Variants in TMPRSS12 observed in about 807,000 individuals in gnomAD.
The protein encoded by TMPRSS12 is transmembrane serine protease 12, also known as transmembrane protease serine 12.
In TMPRSS12, 25 loss-of-function variants were observed where a neutral mutation model predicts 26.0. The observed-to-expected ratio is 0.96, with a 90% CI of 0.70 to 1.34. TMPRSS12 has a LOEUF of 1.34. TMPRSS12 is among the 40% of genes most tolerant of loss of function. The probability of loss-of-function intolerance (pLI) is 0.00; values close to 1 mark genes in which losing one functional copy is unlikely to be tolerated. For missense variants in TMPRSS12, 441 were observed against 440.1 expected (o/e 1.00, Z -0.02); for synonymous variants, 150 against 161.7 (o/e 0.93, Z 0.55).
chr12:50,860,975 C>T (rs889186473), intron 3 of TMPRSS12, among the ~76,000 whole-genome samples: 2 of 152,136 alleles, frequency 1.3e-5, no homozygotes, highest in African/African-American at 4.8e-5. Flanking sequence ...AACTCCTGGC[C>T]TCAAGCAATC....
intron 3 of TMPRSS12, among the ~76,000 whole-genome samples, chr12:50,875,957 G>C (rs1452519610): frequency 6.6e-6 from 1 of 152,060 alleles, no homozygotes; most frequent in African/African-American, 2.4e-5. Context: ...ATCAACAGAG[G>C]AAACAGACAA....
At chr12:50,861,431 A>C (rs1937933521) in intron 3 of TMPRSS12, among the ~76,000 whole-genome samples, 1 of 152,102 alleles carries the variant, frequency 6.6e-6, no homozygotes, top group Non-Finnish European at 1.5e-5. Context: ...AAAGAAGATA[A>C]GGAAAGCAAC....
rs143751814 is a variant in TMPRSS12 at position 50,857,495 on chromosome 12, A to G, written c.384-1290A>G. On this transcript the variant is annotated intron_variant, in intron 2 of 4. Coordinates refer to ENST00000398458, the MANE Select transcript of TMPRSS12 (RefSeq NM_182559.3). ...CACACACACATATGCATGCACTCACATAAACATTGCCAATTTGAAGGATGA... is the reference window on the plus strand; with the variant it reads ...CACACACACATATGCATGCACTCACGTAAACATTGCCAATTTGAAGGATGA... Among the ~76,000 whole-genome samples, 463 of 152,330 alleles carry G rather than the reference A, an allele frequency of 3.0e-3. 4 individuals are homozygous for G. Among genetic ancestry groups the G allele is most frequent in the African/African-American group, 0.011 (439 of 41,578 alleles).
chr12:50,852,221 A>C (rs570757227), intron 2 of TMPRSS12, among the ~76,000 whole-genome samples: 1 of 152,238 alleles, frequency 6.6e-6, no homozygotes, highest in South Asian at 2.1e-4. Flanking sequence ...AAGGTTAAAC[A>C]CCCCATTTAT....
intron 4 of TMPRSS12, 58 bp from the exon 5 acceptor site, chr12:50,887,204 T>C (rs1938235228): frequency 6.5e-7 from 1 of 1,530,020 alleles, no homozygotes; most frequent in Non-Finnish European, 8.9e-7. Flanking sequence ...ATTCCAGTGT[T>C]ACTGTTGCTT....
At chr12:50,876,735 C>T (rs563360158) in intron 3 of TMPRSS12, among the ~76,000 whole-genome samples, 43 of 136,256 alleles carry the variant, frequency 3.2e-4, no homozygotes, top group African/African-American at 5.2e-4. Flanking sequence ...ACCTGGGAGG[C>T]GGAGCTTCCA....
intron 3 of TMPRSS12, among the ~76,000 whole-genome samples, chr12:50,861,445 G>A (rs1259602842): frequency 1.3e-5 from 2 of 152,064 alleles, no homozygotes; most frequent in Non-Finnish European, 2.9e-5. Flanking sequence ...AAGCAACATG[G>A]TGTAGGGAAA....
intron 2 of TMPRSS12, chr12:50,848,432 T>C (rs1937794482): frequency 6.6e-6 from 1 of 152,210 alleles, no homozygotes; most frequent in African/African-American, 2.4e-5. Flanking sequence ...ATTCATCACA[T>C]GAGGAATGAT....
At chr12:50,872,048 CTGAAAGTAGAACTGCCATT>C (rs1308251578) in intron 3 of TMPRSS12, among the ~76,000 whole-genome samples, 1 of 152,122 alleles carries the variant, frequency 6.6e-6, no homozygotes, top group African/African-American at 2.4e-5. Context: ...CCTTAAAGAA[CTGAAAGTAGAACTGCCATT>C]TGATCCAGCA....
At chr12:50,853,787 G>A (rs1937850313) in intron 2 of TMPRSS12, among the ~76,000 whole-genome samples, 1 of 152,056 alleles carries the variant, frequency 6.6e-6, no homozygotes, top group Non-Finnish European at 1.5e-5. Flanking sequence ...GGAAGAAATT[G>A]AAACCCTGAA....
chr12:50,859,233 CCAGA>C (rs1937912286), intron 3 of TMPRSS12, among the ~76,000 whole-genome samples, 180 bp downstream of exon 3: 1 of 113,864 alleles, frequency 8.8e-6, no homozygotes, highest in Non-Finnish European at 2.1e-5. Flanking sequence ...TTTTTTTTTT[CCAGA>C]CAGAGTCTTG....
chr12:50,842,969 G>A lies in TMPRSS12; in HGVS notation c.5G>A (p.Arg2Gln), dbSNP rs1427783706. The change falls in exon 1 of 5, where the codon CGG (arginine) becomes CAG (glutamine). Residue 2 changes from arginine to glutamine, a missense_variant. By Grantham distance (43) the Arg-to-Gln change is conservative (BLOSUM62 1). Coordinates refer to ENST00000398458, the MANE Select transcript of TMPRSS12 (RefSeq NM_182559.3). M[R>Q]LGLLSVALLF... Reference sequence around the variant, plus strand: ...TCTTGCTCACCAGCCTCCAAAATGCGGCTGGGGCTCCTGAGCGTGGCGCTG... The same window carrying A: ...TCTTGCTCACCAGCCTCCAAAATGCAGCTGGGGCTCCTGAGCGTGGCGCTG... 1.3e-6 allele frequency: 2 copies of A among 1,585,978 alleles called. No homozygotes were observed. The highest frequency in any genetic ancestry group is 1.7e-6 in the Non-Finnish European group (2 of 1,164,856).
Position 50,843,042 on chromosome 12 carries a change from T to C in TMPRSS12, c.78T>C (p.Ser26=). The C allele has an allele frequency of 1.2e-6, 2 of 1,605,184 alleles. No homozygotes were observed. The highest frequency in any genetic ancestry group is 1.7e-6 in the Non-Finnish European group (2 of 1,176,064). ...TATACTCAGACCACTACTCGCCCTC[T>C]GGAAGGCACAGGCTCGGCCCCTCGC... The part of the protein sequence containing the change: ...SHLYSDHYSP[S]GRHRLGPSPE... The change falls in exon 1 of 5, where the codon TCT becomes TCC. Residue 26 remains serine, a synonymous_variant. Coordinates refer to ENST00000398458, the MANE Select transcript of TMPRSS12 (RefSeq NM_182559.3).
At chr12:50,866,893 A>G (rs1449656872) in intron 3 of TMPRSS12, among the ~76,000 whole-genome samples, 1 of 152,184 alleles carries the variant, frequency 6.6e-6, no homozygotes. Flanking sequence ...CAATCGCTGC[A>G]GCTCGGTTCT....
intron 3 of TMPRSS12, among the ~76,000 whole-genome samples, chr12:50,867,887 A>G (rs1938006388): frequency 6.6e-6 from 1 of 152,156 alleles, no homozygotes; most frequent in South Asian, 2.1e-4. Context: ...CATCACGTGT[A>G]AAGGAGAGAT....
At chr12:50,847,465 TTTTTTA>T (rs1010515925) in intron 2 of TMPRSS12, among the ~76,000 whole-genome samples, 1 of 152,146 alleles carries the variant, frequency 6.6e-6, no homozygotes, top group Non-Finnish European at 1.5e-5. Flanking sequence ...TCCTTTTGTT[TTTTTTA>T]TTTTTATTTA....
chr12:50,859,063 G>T lies in TMPRSS12; in HGVS notation c.652+10G>T. 1.9e-6 allele frequency: 3 copies of T among 1,561,000 alleles called. No homozygotes were observed. Among genetic ancestry groups the T allele is most frequent in the Non-Finnish European group, 2.6e-6 (3 of 1,157,824 alleles). The stretch of plus-strand genomic sequence containing the variant: ...AGAACAAAAGAAGAAGGTAATTATG[G>T]TCTGAATTTTACTGATACACATTTT... On this transcript the variant is annotated intron_variant, in intron 3 of 4. Transcript: ENST00000398458.
intron 4 of TMPRSS12, 175 bp from the exon 5 acceptor site, chr12:50,887,087 C>T (rs1938234626): frequency 1.6e-6 from 1 of 642,306 alleles, no homozygotes. Context: ...AATTGAATTC[C>T]TCCTGTTTGA....
At chr12:50,862,299 A>G (rs1937944778) in intron 3 of TMPRSS12, among the ~76,000 whole-genome samples, 1 of 152,162 alleles carries the variant, frequency 6.6e-6, no homozygotes, top group African/African-American at 2.4e-5. Flanking sequence ...CGGTGTGACG[A>G]TAGAAACTTA....
Sources: gnomAD v4.1 joint callset for allele counts (sites outside exome capture counted in the v4.1 genomes callset) on GRCh38, gnomAD v4.1.1 for gene constraint, MANE v1.5 for transcripts, NCBI Gene and HGNC (gene_info 2026-07-23, HGNC 2026-07-21) for gene names.